The following CFAP61 variants were observed in gnomAD, a reference collection of about 807,000 sequenced individuals.
CFAP61 encodes the protein cilia and flagella associated protein 61.
A neutral mutation model predicts 135.6 loss-of-function variants in CFAP61; 107 were observed. The observed-to-expected ratio is 0.79, with a 90% CI of 0.67 to 0.93. CFAP61 has a LOEUF of 0.93. Ranked by LOEUF, CFAP61 falls within the 40% of genes least tolerant of loss-of-function variation. The pLI, the probability that CFAP61 is intolerant of heterozygous loss-of-function variation, is 0.00. For missense variants in CFAP61, 1,507 were observed against 1,556.2 expected (o/e 0.97, Z 0.53); for synonymous variants, 575 against 578.5 (o/e 0.99, Z 0.09).
chr20:20,239,806 A>C (rs927804162), intron 18 of CFAP61, among the ~76,000 whole-genome samples: 3 of 152,186 alleles, frequency 2.0e-5, no homozygotes, highest in Non-Finnish European at 4.4e-5. Context: ...GATTTTATTT[A>C]ATTTAAAAAG....
intron 4 of CFAP61, among the ~76,000 whole-genome samples, chr20:20,074,715 T>C (rs2045938424): frequency 6.6e-6 from 1 of 152,182 alleles, no homozygotes; most frequent in Admixed American, 6.5e-5. Context: ...TTAGAAATGT[T>C]TATTAACATG....
intron 20 of CFAP61, among the ~76,000 whole-genome samples, chr20:20,259,162 T>G (rs2051932560): frequency 6.6e-6 from 1 of 150,798 alleles, no homozygotes; most frequent in Non-Finnish European, 1.5e-5. Context: ...CTTCTCTCAT[T>G]AAAAATAAAA....
intron 25 of CFAP61, among the ~76,000 whole-genome samples, chr20:20,328,760 G>A (rs1448188977): frequency 1.3e-5 from 2 of 152,160 alleles, no homozygotes; most frequent in Non-Finnish European, 2.9e-5. Context: ...ACATATAGAC[G>A]GCTGGGAAGT....
At chr20:20,282,304 T>A (rs553798016) in intron 22 of CFAP61, among the ~76,000 whole-genome samples, 1 of 152,278 alleles carries the variant, frequency 6.6e-6, no homozygotes, top group African/African-American at 2.4e-5. Flanking sequence ...AGTTTTCTCC[T>A]CTATTGATTT....
intron 18 of CFAP61, among the ~76,000 whole-genome samples, chr20:20,238,779 A>G (rs1300515017): frequency 1.3e-5 from 2 of 152,214 alleles, no homozygotes; most frequent in African/African-American, 2.4e-5. Flanking sequence ...ATGGAATGAA[A>G]CACAATACCT....
At chr20:20,322,203 C>A (rs898545648) in intron 25 of CFAP61, among the ~76,000 whole-genome samples, 3 of 151,940 alleles carry the variant, frequency 2.0e-5, no homozygotes, top group South Asian at 2.1e-4. Flanking sequence ...CCATCTGATA[C>A]CCCTGTCATC....
At chr20:20,275,810 C>T (rs2053712377) in intron 21 of CFAP61, among the ~76,000 whole-genome samples, 1 of 152,158 alleles carries the variant, frequency 6.6e-6, no homozygotes, top group South Asian at 2.1e-4. Flanking sequence ...TTTGTTGTGC[C>T]AGACAGCCAA....
chr20:20,291,358 C>G (rs55817863), intron 24 of CFAP61, among the ~76,000 whole-genome samples: 1 of 152,202 alleles, frequency 6.6e-6, no homozygotes, highest in Admixed American at 6.5e-5. Context: ...TACTGATCTT[C>G]ATACTGTCTC....
intron 17 of CFAP61, among the ~76,000 whole-genome samples, chr20:20,218,473 A>T (rs1490783914): frequency 6.6e-6 from 1 of 152,204 alleles, no homozygotes; most frequent in Non-Finnish European, 1.5e-5. Context: ...TATCAGCAGC[A>T]TGAAAACAGA....
At chr20:20,094,911 T>C (rs2047454602) in intron 7 of CFAP61, among the ~76,000 whole-genome samples, 1 of 152,154 alleles carries the variant, frequency 6.6e-6, no homozygotes, top group Admixed American at 6.5e-5. Flanking sequence ...CTAGGGGGCT[T>C]TTAGGCAATG....
At chr20:20,184,677 CAGGT>C (rs975033212) in intron 13 of CFAP61, 8 of 152,112 alleles carry the variant, frequency 5.3e-5, no homozygotes, top group Non-Finnish European at 1.2e-4. Flanking sequence ...GGAACTTCCT[CAGGT>C]AGGAACTTCT....
intron 16 of CFAP61, among the ~76,000 whole-genome samples, chr20:20,198,596 T>C (rs1040583): frequency 0.36 from 54,966 of 152,002 alleles, 10,307 homozygotes; most frequent in East Asian, 0.59. Context: ...GCTATAAATC[T>C]CCAGTTGACT....
intron 6 of CFAP61, among the ~76,000 whole-genome samples, chr20:20,082,771 A>G (rs2046519498): frequency 6.6e-6 from 1 of 152,224 alleles, no homozygotes; most frequent in South Asian, 2.1e-4. Flanking sequence ...AGGGAAATGC[A>G]AATTAAACCA....
At position 20,058,109 on chromosome 20, in the gene CFAP61, A is replaced by G. The variant is rs978280860; in HGVS notation, c.143+1313A>G. 2.8e-4 allele frequency among the ~76,000 whole-genome samples: 43 copies of G among 152,334 alleles called. No individual in the cohort carries two copies. The Middle Eastern group carries it at 0.01, about 36-fold the overall frequency. On this transcript the variant is annotated intron_variant, in intron 2 of 26. Coordinates refer to ENST00000245957, the MANE Select transcript of CFAP61 (RefSeq NM_015585.4). ...AAAGCTTCATATCAAATACAATTGAAATGTTTAAGCTAAGGCCAGCCTAAG... is the reference window on the plus strand; with the variant it reads ...AAAGCTTCATATCAAATACAATTGAGATGTTTAAGCTAAGGCCAGCCTAAG...
At chr20:20,097,135 T>G (rs2047642401) in intron 7 of CFAP61, among the ~76,000 whole-genome samples, 1 of 151,012 alleles carries the variant, frequency 6.6e-6, no homozygotes, top group Admixed American at 6.6e-5. Context: ...AAAAACTGAG[T>G]ATTATTGTAG....
At chr20:20,281,351 A>T (rs1203727469) in intron 22 of CFAP61, among the ~76,000 whole-genome samples, 4 of 152,092 alleles carry the variant, frequency 2.6e-5, no homozygotes, top group Non-Finnish European at 4.4e-5. Flanking sequence ...TCAGGCTTTC[A>T]CTGTTAAATA....
intron 9 of CFAP61, among the ~76,000 whole-genome samples, chr20:20,144,255 TA>T (rs2051671999): frequency 6.6e-6 from 1 of 152,168 alleles, no homozygotes; most frequent in Non-Finnish European, 1.5e-5. Context: ...AAGGTGGAGA[TA>T]AATCAATCAG....
intron 8 of CFAP61, among the ~76,000 whole-genome samples, chr20:20,114,339 C>G (rs887622211): frequency 1.3e-5 from 2 of 152,098 alleles, no homozygotes; most frequent in Non-Finnish European, 2.9e-5. Flanking sequence ...ATTTATAGAT[C>G]AGTTTGCTAG....
chr20:20,273,199 C>T (rs2053496838), intron 21 of CFAP61, among the ~76,000 whole-genome samples: 1 of 152,128 alleles, frequency 6.6e-6, no homozygotes, highest in Non-Finnish European at 1.5e-5. Context: ...CTTTAAATAG[C>T]ACATTAAAGA....
Sources: allele counts gnomAD v4.1 joint callset (sites outside exome capture counted in the v4.1 genomes callset), GRCh38; gene constraint gnomAD v4.1.1; transcripts MANE v1.5; gene names NCBI Gene and HGNC (gene_info 2026-07-23, HGNC 2026-07-21).